MTCL1: variants seen among roughly 807,000 people sequenced by gnomAD.
MTCL1 encodes microtubule crosslinking factor 1.
A neutral mutation model predicts 141.4 loss-of-function variants in MTCL1; 79 were observed. The observed-to-expected ratio is 0.56, with a 90% CI of 0.47 to 0.67. MTCL1 has a LOEUF of 0.67. Ranked by LOEUF, MTCL1 falls within the 30% of genes least tolerant of loss-of-function variation. MTCL1 has a pLI of 0.00. For synonymous variants in MTCL1, 914 were observed against 875.8 expected, an observed-to-expected ratio of 1.04 and a Z score of -0.77; for missense variants, 2,177 against 2,113.9, an observed-to-expected ratio of 1.03 and a Z score of -0.59.
chr18:8,788,310 A>C (rs956296882), intron 7 of MTCL1, among the ~76,000 whole-genome samples: 1 of 151,922 alleles, frequency 6.6e-6, no homozygotes, highest in African/African-American at 2.4e-5. Context: ...CCACGACTCT[A>C]CCTGTGTGGA....
rs943261897 is a variant in MTCL1, at chr18:8,828,035, C to CT, written c.4723-867dup. 2.6e-5 allele frequency among the ~76,000 whole-genome samples: 4 copies of CT among 152,292 alleles called. No homozygotes were observed. The highest frequency in any genetic ancestry group is 7.2e-5 in the African/African-American group (3 of 41,538). On this transcript the variant is annotated intron_variant, in intron 15 of 16. Coordinates refer to ENST00000359865, the Ensembl canonical transcript of MTCL1. This position sits in a 1 kb window ranked among gnomAD's most constrained non-coding sequence, Gnocchi z 5.2. ...CGGCAGCATCTAAATGCCACGGGCT[C>CT]TTTTTTCCATTTCTGTTGGAATTTT...
chr18:8,715,639 G>C (rs1344217647), upstream of MTCL1, among the ~76,000 whole-genome samples: 1 of 152,206 alleles, frequency 6.6e-6, no homozygotes, highest in African/African-American at 2.4e-5. Context: ...CTTTCTCAAA[G>C]TCTGATCCAT....
intron 4 of MTCL1, among the ~76,000 whole-genome samples, chr18:8,762,918 T>TA (rs1362869301): frequency 1.8e-4 from 28 of 152,320 alleles, no homozygotes; most frequent in African/African-American, 6.7e-4. Flanking sequence ...CATCTGTTGT[T>TA]ACAGTGGCTG....
rs983272620 is a variant in MTCL1, at chr18:8,828,648, A to T, written c.4723-260A>T. Among the ~76,000 whole-genome samples, 21 of 152,182 alleles carry T rather than the reference A, an allele frequency of 1.4e-4. No homozygotes were observed. The highest frequency in any genetic ancestry group is 4.8e-4 in the African/African-American group (20 of 41,450). On this transcript the variant is annotated intron_variant, in intron 15 of 16. Transcript: ENST00000359865. This position sits in a 1 kb window ranked among gnomAD's most constrained non-coding sequence, Gnocchi z 5.2. ...CTAGAGGGAGGTCTGTGACTCCTCC[A>T]TGGAGTTTCCTTCTTCTCTCTGGGC...
chr18:8,750,580 G>A (rs1032116013), intron 4 of MTCL1, among the ~76,000 whole-genome samples: 2 of 152,192 alleles, frequency 1.3e-5, no homozygotes, highest in East Asian at 3.9e-4. Flanking sequence ...TAATCAGATG[G>A]AGGGCAGGGA....
chr18:8,826,496 T>C (rs75155249), intron 15 of MTCL1, among the ~76,000 whole-genome samples: 1 of 270 alleles, frequency 3.7e-3, no homozygotes, highest in Non-Finnish European at 0.018. Context: ...TCACCAGTCT[T>C]AAGTGATTGA....
At chr18:8,755,350 T>C (rs1435200616) in intron 4 of MTCL1, among the ~76,000 whole-genome samples, 2 of 152,220 alleles carry the variant, frequency 1.3e-5, no homozygotes, top group Non-Finnish European at 2.9e-5. Context: ...GCACCGTGTT[T>C]AGTCCTTGAT....
intron 8 of MTCL1, 81 bp downstream of exon 7, chr18:8,793,201 A>G (rs1475072949): frequency 2.5e-6 from 4 of 1,574,470 alleles, no homozygotes; most frequent in East Asian, 4.6e-5. Context: ...TACATTTTCA[A>G]AGAAGGCTGT....
At chr18:8,724,176 G>A (rs1457580200) in intron 4 of MTCL1, among the ~76,000 whole-genome samples, 3 of 152,130 alleles carry the variant, frequency 2.0e-5, no homozygotes, top group East Asian at 3.9e-4. Flanking sequence ...TTGGGAGGCC[G>A]AGGTGGGTGG....
At chr18:8,794,303 T>C (rs2143824777) in intron 8 of MTCL1, among the ~76,000 whole-genome samples, 1 of 152,198 alleles carries the variant, frequency 6.6e-6, no homozygotes, top group South Asian at 2.1e-4. Context: ...CGGAAGAGGC[T>C]TCGGATGGTA....
At chr18:8,761,801 G>A (rs2096434017) in intron 4 of MTCL1, among the ~76,000 whole-genome samples, 1 of 152,094 alleles carries the variant, frequency 6.6e-6, no homozygotes, top group African/African-American at 2.4e-5. Flanking sequence ...TCATTATCAC[G>A]AGAACAGCAC....
rs918606640 is a variant in MTCL1, at chr18:8,822,981, G to A, written c.3188+1483G>A. Among the ~76,000 whole-genome samples the A allele has an allele frequency of 4.6e-5, 7 of 151,176 alleles. No individual in the cohort carries two copies. The highest frequency in any genetic ancestry group is 2.1e-4 in the South Asian group (1 of 4,768). ...GGAGGTTGCAGTGAACCGAGATTGC[G>A]CCACTGCACTACATCCTGGGCGACA... is the stretch of plus-strand genomic sequence containing the variant. On this transcript the variant is annotated intron_variant, in intron 14 of 16. Coordinates refer to ENST00000359865, the Ensembl canonical transcript of MTCL1. This position sits in a 1 kb window ranked among gnomAD's most constrained non-coding sequence, Gnocchi z 4.6.
At chr18:8,766,444 C>T (rs2096460274) in intron 4 of MTCL1, among the ~76,000 whole-genome samples, 2 of 152,168 alleles carry the variant, frequency 1.3e-5, no homozygotes, top group African/African-American at 4.8e-5. Flanking sequence ...CCTGGGGCGC[C>T]CCAGTGGGGA....
At chr18:8,796,823 A>C (rs1336490455) in intron 9 of MTCL1, among the ~76,000 whole-genome samples, 1 of 152,240 alleles carries the variant, frequency 6.6e-6, no homozygotes, top group Non-Finnish European at 1.5e-5. Flanking sequence ...GATGTTCATG[A>C]GTGAGGGACT....
At chr18:8,805,139 T>C (rs1167212591) in intron 10 of MTCL1, among the ~76,000 whole-genome samples, 1 of 145,088 alleles carries the variant, frequency 6.9e-6, no homozygotes, top group Non-Finnish European at 1.5e-5. Flanking sequence ...GTTCAGGGGG[T>C]ACATGTGCAG....
intron 4 of MTCL1, among the ~76,000 whole-genome samples, chr18:8,740,997 G>C (rs1378366870): frequency 6.6e-6 from 1 of 152,174 alleles, no homozygotes; most frequent in African/African-American, 2.4e-5. Flanking sequence ...CACAGACTCT[G>C]TGTTCTTTCC....
At chr18:8,784,956 C>T in intron 6 of MTCL1, 113 bp downstream of exon 5, 5 of 1,000,902 alleles carry the variant, frequency 5.0e-6, no homozygotes, top group Non-Finnish European at 7.1e-6. Flanking sequence ...TGATTTCAAA[C>T]CTGCATTGTA....
rs144704256 is a variant in MTCL1 at position 8,784,056 on chromosome 18, G to A, written c.944G>A (p.Arg315Gln). 6 of 1,613,326 alleles carry A rather than the reference G, an allele frequency of 3.7e-6. No homozygotes were observed. Among genetic ancestry groups the A allele is most frequent in the African/African-American group, 2.7e-5 (2 of 74,932 alleles). ...AGCAAGTTTAAGTTTGAGCCTCCCC[G>A]GGAGCCGGGCTGGCTAGGAGAGGGT... Residue 315 changes from arginine (R) to glutamine (Q), a missense_variant, in exon 6 of 17, where the codon CGG (arginine) becomes CAG (glutamine). Arg to Gln is a conservative substitution (Grantham distance 43). Transcript: ENST00000359865.
intron 12 of MTCL1, among the ~76,000 whole-genome samples, chr18:8,815,700 G>A (rs541756792): frequency 6.7e-6 from 1 of 150,362 alleles, no homozygotes; most frequent in East Asian, 2.0e-4. Flanking sequence ...GCCTCATTTT[G>A]AGACTATATT....
Sources: allele counts gnomAD v4.1 joint callset (sites outside exome capture counted in the v4.1 genomes callset), GRCh38; gene constraint gnomAD v4.1.1; non-coding constraint Gnocchi (gnomAD v3.1); transcripts MANE v1.5; gene names NCBI Gene and HGNC (gene_info 2026-07-23, HGNC 2026-07-21).